Variants in TSC1 observed in about 807,000 individuals in gnomAD.
TSC1 encodes TSC complex subunit 1.
A neutral mutation model predicts 124.3 loss-of-function variants in TSC1; 20 were observed. The observed-to-expected ratio is 0.16, with a 90% CI of 0.11 to 0.23. The LOEUF (loss-of-function observed/expected upper bound fraction) is 0.23. Among genes scored for constraint, TSC1 ranks in the 10% least tolerant of loss-of-function variants. The probability of loss-of-function intolerance (pLI) is 1.00; values close to 1 mark genes in which losing one functional copy is unlikely to be tolerated. For missense variants in TSC1, 1,124 were observed against 1,448.5 expected (o/e 0.78, Z 3.64); for synonymous variants, 493 against 539.1 (o/e 0.91, Z 1.19).
At chr9:132,930,496 G>C (rs1847143263) in intron 2 of TSC1, among the ~76,000 whole-genome samples, 2 of 147,318 alleles carry the variant, frequency 1.4e-5, no homozygotes, top group Admixed American at 1.4e-4. Context: ...GCTGAGGCAG[G>C]AGAATCACTT....
chr9:132,939,907 G>A (rs566104494), intron 1 of TSC1, among the ~76,000 whole-genome samples: 7 of 152,230 alleles, frequency 4.6e-5, no homozygotes, highest in Non-Finnish European at 7.4e-5. Context: ...GATACTTTGG[G>A]GGTGGGGCCT....
At chr9:132,934,298 T>C (rs969244702) in intron 2 of TSC1, among the ~76,000 whole-genome samples, 2 of 152,190 alleles carry the variant, frequency 1.3e-5, no homozygotes, top group Non-Finnish European at 2.9e-5. Context: ...GTTAAGTCAC[T>C]AAGAGGAAAT....
At chr9:132,944,983 A>G (rs1321052194), upstream of TSC1, 1 of 188,504 alleles carries the variant, frequency 5.3e-6, no homozygotes, top group Admixed American at 6.2e-5. Context: ...CGCGGCGGAG[A>G]GGCGTAAACA....
At chr9:132,899,139 G>A (rs1304458737) in intron 20 of TSC1, 1 of 152,268 alleles carries the variant, frequency 6.6e-6, no homozygotes, top group South Asian at 2.1e-4. Flanking sequence ...TGTTCGCCAG[G>A]ATGGTCTCGT....
chr9:132,941,335 C>T (rs1415979822), intron 1 of TSC1: 1 of 152,104 alleles, frequency 6.6e-6, no homozygotes, highest in African/African-American at 2.4e-5. Flanking sequence ...CCCATGAAAA[C>T]AGACATAAAG....
intron 1 of TSC1, among the ~76,000 whole-genome samples, chr9:132,938,646 C>T (rs1233722124): frequency 6.6e-6 from 1 of 152,176 alleles, no homozygotes; most frequent in African/African-American, 2.4e-5. Context: ...AGCCTAACAG[C>T]CATGGACAGC....
At chr9:132,922,243 T>C (rs1439479690) in intron 6 of TSC1, among the ~76,000 whole-genome samples, 3 of 152,254 alleles carry the variant, frequency 2.0e-5, no homozygotes, top group African/African-American at 7.2e-5. Flanking sequence ...ATCTAACTTC[T>C]GCCCTCCTCT....
intron 2 of TSC1, among the ~76,000 whole-genome samples, chr9:132,929,485 T>C (rs1847088680): frequency 6.6e-6 from 1 of 152,234 alleles, no homozygotes; most frequent in South Asian, 2.1e-4. Flanking sequence ...ATCTGAGACA[T>C]CTAATTGCAC....
chr9:132,938,001 C>A (rs796303344), intron 1 of TSC1, among the ~76,000 whole-genome samples: 7 of 152,240 alleles, frequency 4.6e-5, no homozygotes, highest in African/African-American at 1.7e-4. Flanking sequence ...CAGGCGTGAG[C>A]CCCCACCCCC....
chr9:132,934,976 A>G lies in TSC1; in HGVS notation c.-81+57T>C, dbSNP rs567290627. ...ATGTTAAATCCCTGAATGCACGACC[A>G]TGGGCAAGATAATTCCCTCCCATCT... On this transcript the variant is annotated intron_variant, in intron 2 of 22. Coordinates refer to ENST00000298552, the MANE Select transcript of TSC1 (RefSeq NM_000368.5). The G allele has an allele frequency of 1.5e-4, 59 of 399,094 alleles. 2 individuals carry two copies. The highest frequency in any genetic ancestry group is 8.0e-4 in the African/African-American group (39 of 48,780). The allele number at this position is 399,094 out of a possible 1,614,324, so 24.7% of individuals were successfully genotyped here.
chr9:132,941,834 C>T (rs1291753043), intron 1 of TSC1: 2 of 152,078 alleles, frequency 1.3e-5, no homozygotes, highest in African/African-American at 2.4e-5. Context: ...AAATGACACC[C>T]CAAAGGACTT....
At chr9:132,911,691 C>A in intron 9 of TSC1, 123 bp from the exon 10 acceptor site, 1 of 631,630 alleles carries the variant, frequency 1.6e-6, no homozygotes, top group South Asian at 2.0e-5. Flanking sequence ...ATATTCAATT[C>A]TCTGTACCTA....
At chr9:132,935,790 G>C (rs1385328555) in intron 1 of TSC1, among the ~76,000 whole-genome samples, 1 of 151,626 alleles carries the variant, frequency 6.6e-6, no homozygotes, top group Non-Finnish European at 1.5e-5. Flanking sequence ...GTCTACCTTT[G>C]GCTCCTCCTA....
chr9:132,897,968 A>C (rs1292972823), intron 20 of TSC1, among the ~76,000 whole-genome samples: 1 of 152,238 alleles, frequency 6.6e-6, no homozygotes, highest in Non-Finnish European at 1.5e-5. Flanking sequence ...TTAAAAAATG[A>C]TATGGTGTCA....
intron 2 of TSC1, among the ~76,000 whole-genome samples, chr9:132,932,715 A>G (rs1259373681): frequency 6.6e-6 from 1 of 152,094 alleles, no homozygotes; most frequent in East Asian, 1.9e-4. Flanking sequence ...CAAACACAGG[A>G]ATACTGGTTC....
In TSC1 at chr9:132,894,601, G is replaced by T. The variant is rs1443519928; in HGVS notation, c.*1634C>A. On this transcript the variant is annotated 3_prime_UTR_variant, in exon 23 of 23. Transcript: ENST00000298552. ...TCAGTCACACCCAGAAAGCCTGCCTGAACAGGTTTTCTGCTGGTATAGCTA... is the reference window on the plus strand; with the variant it reads ...TCAGTCACACCCAGAAAGCCTGCCTTAACAGGTTTTCTGCTGGTATAGCTA... 4.7e-6 allele frequency: 1 copy of T among 214,574 alleles called. No homozygotes were observed. The highest frequency in any genetic ancestry group is 6.8e-5 in the East Asian group (1 of 14,642). The allele number at this position is 214,574 out of a possible 1,614,324, so 13.3% of individuals were successfully genotyped here.
intron 20 of TSC1, 79 bp from the exon 21 acceptor site, chr9:132,897,689 G>GT (rs2131642616): frequency 6.5e-7 from 1 of 1,543,142 alleles, no homozygotes; most frequent in Non-Finnish European, 8.6e-7. Flanking sequence ...AAAAGACAAT[G>GT]TAAGAAGGAC....
At position 132,897,195 on chromosome 9, in the gene TSC1, T is replaced by C. The variant is rs1057520482; in HGVS notation, c.2964A>G (p.Ala988=). 4.3e-6 allele frequency: 7 copies of C among 1,614,100 alleles called. No individual in the cohort carries two copies. In the Admixed American group the frequency reaches 8.3e-5, roughly 19 times the overall value. The change falls in exon 22 of 23, where the codon GCA becomes GCG. Residue 988 remains alanine (A), a synonymous_variant. Transcript: ENST00000298552. The part of the protein sequence containing the change: ...LEEEKAEAAE[A]AEERLDCCND... ...TTCTTTGTTCCTACCTTTCTTCTGC[T>C]GCTTCAGCTGCTTCTGCTTTTTCTT...
intron 2 of TSC1, among the ~76,000 whole-genome samples, chr9:132,929,621 A>G (rs1339849025): frequency 6.6e-6 from 1 of 152,254 alleles, no homozygotes; most frequent in East Asian, 1.9e-4. Flanking sequence ...CTTGATATAC[A>G]AAAAGCAGCT....
Sources: gnomAD v4.1 joint callset for allele counts (sites outside exome capture counted in the v4.1 genomes callset) on GRCh38, gnomAD v4.1.1 for gene constraint, MANE v1.5 for transcripts, NCBI Gene and HGNC (gene_info 2026-07-23, HGNC 2026-07-21) for gene names.